The following AP2A2 variants were observed in gnomAD, a reference collection of about 807,000 sequenced individuals.
The protein encoded by AP2A2 is adaptor related protein complex 2 subunit alpha 2.
A neutral mutation model predicts 104.2 loss-of-function variants in AP2A2; 32 were observed. That is an observed-to-expected ratio of 0.31 (90% confidence interval 0.23 to 0.41). AP2A2 has a LOEUF of 0.41. AP2A2 is among the 10% of genes least tolerant of loss of function. AP2A2 has a pLI of 1.00. For synonymous variants in AP2A2, 539 were observed against 533.3 expected, an observed-to-expected ratio of 1.01 and a Z score of -0.15; for missense variants, 912 against 1,261.0, an observed-to-expected ratio of 0.72 and a Z score of 4.19.
At chr11:966,323 A>C (rs1854616501) in intron 2 of AP2A2, among the ~76,000 whole-genome samples, 1 of 152,074 alleles carries the variant, frequency 6.6e-6, no homozygotes, top group African/African-American at 2.4e-5. Flanking sequence ...TGAAACCCTA[A>C]AAATCTCTAC....
At chr11:1,006,670 G>C in intron 17 of AP2A2, 53 bp downstream of exon 17, 1 of 1,396,956 alleles carries the variant, frequency 7.2e-7, no homozygotes, top group East Asian at 2.3e-5. Flanking sequence ...GTGGGGCTTA[G>C]AGGAGGCTTT....
At chr11:981,092 G>C in intron 5 of AP2A2, 106 bp from the exon 6 acceptor site, 1 of 855,826 alleles carries the variant, frequency 1.2e-6, no homozygotes, top group Admixed American at 2.8e-5. Flanking sequence ...GGTGGCTGTG[G>C]GCTGCCACTG....
At chr11:950,627 CAAAAA>C (rs906001041) in intron 1 of AP2A2, among the ~76,000 whole-genome samples, 2 of 149,572 alleles carry the variant, frequency 1.3e-5, no homozygotes, top group African/African-American at 4.9e-5. Context: ...GTGCAAATGA[CAAAAA>C]AAAAGTTAAT....
At chr11:965,818 T>C (rs1393570792) in intron 2 of AP2A2, among the ~76,000 whole-genome samples, 1 of 152,266 alleles carries the variant, frequency 6.6e-6, no homozygotes, top group Non-Finnish European at 1.5e-5. Flanking sequence ...TGTTGTGTTC[T>C]CATACTCTAC....
intron 1 of AP2A2, among the ~76,000 whole-genome samples, chr11:953,003 T>G (rs1221201624): frequency 2.0e-5 from 3 of 152,186 alleles, no homozygotes; most frequent in East Asian, 3.8e-4. Context: ...GGGCTCAGAT[T>G]GTTACCTGCG....
intron 5 of AP2A2, among the ~76,000 whole-genome samples, chr11:979,038 G>T (rs1401119943): frequency 2.0e-5 from 3 of 152,028 alleles, no homozygotes; most frequent in Non-Finnish European, 4.4e-5. Flanking sequence ...GGGTTGGGGG[G>T]CTGGGCCAAG....
At chr11:1,007,931 G>A (rs1379512233) in intron 17 of AP2A2, 81 bp from the exon 18 acceptor site, 3 of 1,545,736 alleles carry the variant, frequency 1.9e-6, no homozygotes, top group Admixed American at 2.0e-5. Flanking sequence ...TCGCCTCCAC[G>A]GGTCCTGCTG....
At chr11:970,643 G>A (rs74045445) in intron 3 of AP2A2, among the ~76,000 whole-genome samples, 6,818 of 152,370 alleles carry the variant, frequency 0.045, 163 homozygotes, top group South Asian at 0.058. Flanking sequence ...GGACTGCCCG[G>A]TTGGTCTGGA....
At position 993,694 on chromosome 11, in the gene AP2A2, G is replaced by GA. The variant is rs1427466374; in HGVS notation, c.1551-60_1551-59insA. On this transcript the variant is annotated intron_variant, in intron 12 of 21. Coordinates refer to ENST00000448903, the MANE Select transcript of AP2A2 (RefSeq NM_012305.4). This position sits in a 1 kb window ranked among gnomAD's most constrained non-coding sequence, Gnocchi z 8.2. ...CTCGCCGCCGTCCCCCCCCCGCGGGGGCGTGCTGCAGCCTGCGAGGGGACG... is the reference window on the plus strand; with the variant it reads ...CTCGCCGCCGTCCCCCCCCCGCGGGGAGCGTGCTGCAGCCTGCGAGGGGACG... The GA allele has an allele frequency of 7.5e-6, 10 of 1,336,752 alleles. No individual in the cohort carries two copies. Among genetic ancestry groups the GA allele is most frequent in the South Asian group, 2.7e-5 (2 of 74,920 alleles). 82.8% of individuals were successfully genotyped at this position (1,336,752 alleles called of 1,614,324 possible). A position where few individuals can be genotyped will look rare whatever the true frequency, so the allele number is the denominator to read the frequency against.
chr11:955,004 A>G (rs868619473), intron 1 of AP2A2, among the ~76,000 whole-genome samples: 1 of 152,118 alleles, frequency 6.6e-6, no homozygotes, highest in Non-Finnish European at 1.5e-5. Context: ...GGTTTTTAGT[A>G]TTTCTGCTTT....
intron 2 of AP2A2, among the ~76,000 whole-genome samples, chr11:960,137 C>A (rs1252638663): frequency 1.3e-5 from 2 of 152,122 alleles, no homozygotes; most frequent in Non-Finnish European, 2.9e-5. Flanking sequence ...GAGCCTGACC[C>A]CTGTGGAACT....
chr11:965,937 C>A (rs1402470933), intron 2 of AP2A2, among the ~76,000 whole-genome samples: 2 of 152,178 alleles, frequency 1.3e-5, no homozygotes, highest in Admixed American at 6.5e-5. Flanking sequence ...ACTTCCTGGG[C>A]TCAGGTCATC....
intron 1 of AP2A2, among the ~76,000 whole-genome samples, chr11:944,357 T>A (rs1853760730): frequency 6.6e-6 from 1 of 152,206 alleles, no homozygotes; most frequent in Admixed American, 6.5e-5. Context: ...TACCAAGTAT[T>A]TATTGAGAGC....
At chr11:981,598 G>A (rs551282747) in intron 6 of AP2A2, among the ~76,000 whole-genome samples, 1 of 152,218 alleles carries the variant, frequency 6.6e-6, no homozygotes, top group Non-Finnish European at 1.5e-5. Flanking sequence ...ACCATCTGGC[G>A]TGCACGCTAA....
At chr11:958,258 CA>C in intron 1 of AP2A2, among the ~76,000 whole-genome samples, 1 of 152,334 alleles carries the variant, frequency 6.6e-6, no homozygotes, top group South Asian at 2.1e-4. Context: ...AGAGAGCCCT[CA>C]CCAGAAACCA....
intron 8 of AP2A2, among the ~76,000 whole-genome samples, chr11:986,278 G>A (rs1738786614): frequency 6.6e-6 from 1 of 152,254 alleles, no homozygotes; most frequent in Non-Finnish European, 1.5e-5. Context: ...AACTCAGTCT[G>A]AGAGTCACAC....
rs1411164470 is a variant in AP2A2, at chr11:972,048, CT to C, written c.280-10del. 1.9e-6 allele frequency: 3 copies of C among 1,606,944 alleles called. No individual in the cohort carries two copies. The East Asian group carries it at 6.7e-5, about 36-fold the overall frequency. On this transcript the variant is annotated splice_polypyrimidine_tract_variant and intron_variant, in intron 3 of 21. Coordinates refer to ENST00000448903, the MANE Select transcript of AP2A2 (RefSeq NM_012305.4). ...TGTCATGAGCTTTCTCTTCTCCTGT[CT>C]TTTGGAACGCAGGGCTACCTTTTCA...
intron 1 of AP2A2, among the ~76,000 whole-genome samples, chr11:956,616 G>C (rs531617661): frequency 4.6e-5 from 7 of 152,134 alleles, no homozygotes; most frequent in African/African-American, 1.7e-4. Context: ...TTTCACAGCT[G>C]GTCCAGGTAG....
Position 993,343 on chromosome 11 carries a change from G to A in AP2A2, c.1512G>A (p.Gly504=), listed in dbSNP as rs1411026537. ...NLVKVGGYIL[G]EFGNLIAGDP... is the part of the protein sequence containing the mutation. ...TCAAAGTGGGCGGCTACATCCTGGGGGAGTTTGGAAACTTGATAGCTGGAG... is the reference window on the plus strand; with the variant it reads ...TCAAAGTGGGCGGCTACATCCTGGGAGAGTTTGGAAACTTGATAGCTGGAG... The change falls in exon 12 of 22, where the codon GGG becomes GGA. Residue 504 remains glycine (G), a synonymous_variant. Transcript: ENST00000448903. This position sits in a 1 kb window ranked among gnomAD's most constrained non-coding sequence, Gnocchi z 8.2. 2.5e-6 allele frequency: 4 copies of A among 1,612,688 alleles called. No individual in the cohort carries two copies. Among genetic ancestry groups the A allele is most frequent in the East Asian group, 2.2e-5 (1 of 44,748 alleles).
Sources: gnomAD v4.1 joint callset for allele counts (sites outside exome capture counted in the v4.1 genomes callset) on GRCh38, gnomAD v4.1.1 for gene constraint, Gnocchi (gnomAD v3.1) non-coding constraint, MANE v1.5 for transcripts, NCBI Gene and HGNC (gene_info 2026-07-23, HGNC 2026-07-21) for gene names.